CENATAC: variants seen among roughly 807,000 people sequenced by gnomAD.
CENATAC encodes the protein coiled-coil domain containing 84.
Under a neutral mutation model 53.7 loss-of-function variants are expected in CENATAC, and 53 were observed. That is an observed-to-expected ratio of 0.99 (90% CI 0.79 to 1.24). The LOEUF is 1.24. CENATAC is among the 50% of genes most tolerant of loss of function. CENATAC has a pLI of 0.00. For synonymous variants in CENATAC, 156 were observed against 144.6 expected (o/e 1.08, Z -0.57); for missense variants, 474 against 417.8 (o/e 1.13, Z -1.17).
In CENATAC at chr11:118,998,553, C is replaced by T. The variant is rs782232947; in HGVS notation, c.244C>T (p.Leu82=). The T allele has an allele frequency of 1.9e-6, 3 of 1,587,020 alleles. No homozygotes were observed. The highest frequency in any genetic ancestry group is 2.6e-6 in the Non-Finnish European group (3 of 1,166,138). ...GCGGGAACACCTGAGCCATGGAAAC[C>T]TGACGGTGCTGTACGGGGGGCTGCT... ...EVREHLSHGN[L]TVLYGGLLEH... The change falls in exon 2 of 11, where the codon CTG becomes TTG. Residue 82 remains leucine (L), a synonymous_variant. Coordinates refer to ENST00000334418, the MANE Select transcript of CENATAC (RefSeq NM_198489.3).
At chr11:119,013,202 T>C (rs376881432) in intron 7 of CENATAC, 30 bp from the exon 8 acceptor site, 6 of 1,581,646 alleles carry the variant, frequency 3.8e-6, no homozygotes, top group Non-Finnish European at 4.3e-6. Context: ...AGACTTTAAC[T>C]AGCACTTTTT....
intron 3 of CENATAC, chr11:119,003,619 C>CTTTTT (rs782023708): frequency 4.5e-5 from 5 of 111,016 alleles, no homozygotes; most frequent in African/African-American, 1.9e-4. Flanking sequence ...ATATTTCTCT[C>CTTTTT]TCTTTTTTTT....
At chr11:119,006,948 G>A (rs1807238205) in intron 3 of CENATAC, among the ~76,000 whole-genome samples, 1 of 152,188 alleles carries the variant, frequency 6.6e-6, no homozygotes. Context: ...ACCTTCTGCT[G>A]TGATTATAAG....
At chr11:119,011,380 C>CTTCT in intron 5 of CENATAC, 97 bp downstream of exon 5, 3 of 954,590 alleles carry the variant, frequency 3.1e-6, no homozygotes, top group African/African-American at 1.7e-5. Context: ...TCTTCTTCTT[C>CTTCT]TTTTTTTTTT....
At position 118,998,464 on chromosome 11, in the gene CENATAC, A is replaced by G. The variant is rs782088897; in HGVS notation, c.155A>G (p.Gln52Arg). The G allele has an allele frequency of 5.6e-6, 9 of 1,613,042 alleles. No homozygotes were observed. Among genetic ancestry groups the G allele is most frequent in the South Asian group, 1.1e-5 (1 of 91,006 alleles). The change falls in exon 2 of 11, where the codon CAG becomes CGG. Residue 52 changes from glutamine to arginine, a missense_variant. Gln to Arg is a conservative substitution (Grantham distance 43). Transcript: ENST00000334418. ...GCCCGCAAGGCCATCCGCGCCGCTC[A>G]GGTGGAGCGCTATGTGCCCGAACAC... ...EAARKAIRAA[Q>R]VERYVPEHER... is the part of the protein sequence containing the mutation.
Position 119,015,608 on chromosome 11 carries a change from C to G in CENATAC, c.*10C>G, listed in dbSNP as rs781897531. The G allele has an allele frequency of 1.2e-6, 2 of 1,613,938 alleles. No individual in the cohort carries two copies. Among genetic ancestry groups the G allele is most frequent in the South Asian group, 1.1e-5 (1 of 91,074 alleles). ...TACAGAAAAAAGCTAATCATGCTCT[C>G]TACCAACTACCATGAGGCTAAAAGC... On this transcript the variant is annotated 3_prime_UTR_variant, in exon 11 of 11. Coordinates refer to ENST00000334418, the MANE Select transcript of CENATAC (RefSeq NM_198489.3).
chr11:119,004,662 CTGAGCCTGAGGGATCACT>C (rs1485216951), intron 3 of CENATAC: 1 of 153,288 alleles, frequency 6.5e-6, no homozygotes. Flanking sequence ...GGGGGATCAC[CTGAGCCTGAGGGATCACT>C]TGAGCCCAGG....
intron 3 of CENATAC, among the ~76,000 whole-genome samples, chr11:119,006,210 A>C (rs1942588614): frequency 7.2e-6 from 1 of 139,346 alleles, no homozygotes; most frequent in Admixed American, 7.7e-5. Context: ...AGTAGCTGGG[A>C]CTACAGGCAC....
At chr11:119,013,349 G>A in intron 8 of CENATAC, 87 bp downstream of exon 8, 3 of 988,338 alleles carry the variant, frequency 3.0e-6, no homozygotes, top group South Asian at 1.5e-5. Flanking sequence ...AGGCTGGAGT[G>A]CAGTGGCGCA....
chr11:119,015,569 A>C lies in CENATAC; in HGVS notation c.970A>C (p.Lys324Gln), dbSNP rs186379534. The C allele has an allele frequency of 1.4e-5, 22 of 1,614,178 alleles. No homozygotes were observed. The East Asian group carries it at 4.2e-4, about 31-fold the overall frequency. The change falls in exon 11 of 11, where the codon AAG becomes CAG. Residue 324 changes from lysine (K) to glutamine (Q), a missense_variant. Physicochemically the swap from Lys to Gln is moderately conservative, Grantham distance 53. Transcript: ENST00000334418. ...HQFKTEAAAMKKQSHTEKS is the reference protein window; with the variant it reads ...HQFKTEAAAMQKQSHTEKS ...ATTCAAAACTGAAGCTGCAGCAATG[A>C]AGAAGCAGTCACATACAGAAAAAAG...
chr11:119,012,622 A>C (rs894864464), intron 7 of CENATAC: 8 of 187,358 alleles, frequency 4.3e-5, no homozygotes, highest in Non-Finnish European at 9.0e-5. Flanking sequence ...ACAAGCGGTC[A>C]ATTTTAACCT....
chr11:119,011,173 A>T (rs367776069), intron 4 of CENATAC, 48 bp from the exon 5 acceptor site: 1 of 1,544,186 alleles, frequency 6.5e-7, no homozygotes, highest in African/African-American at 1.4e-5. Context: ...CTCTGAAGAA[A>T]CTGGCCCCCA....
intron 3 of CENATAC, among the ~76,000 whole-genome samples, chr11:119,006,393 T>C (rs1190902626): frequency 3.9e-5 from 6 of 152,008 alleles, no homozygotes; most frequent in East Asian, 1.9e-4. Context: ...CCCGCCACCA[T>C]GCCTGGCTAA....
chr11:119,007,640 C>A (rs149849779), intron 3 of CENATAC, among the ~76,000 whole-genome samples: 1 of 152,172 alleles, frequency 6.6e-6, no homozygotes, highest in East Asian at 1.9e-4. Flanking sequence ...TAAGTGTGCA[C>A]CATCACACCT....
chr11:119,014,382 G>A (rs2134577734), intron 8 of CENATAC: 1 of 152,394 alleles, frequency 6.6e-6, no homozygotes, highest in African/African-American at 2.4e-5. Context: ...AGGAGTTCAA[G>A]ACCAGTTTGG....
intron 3 of CENATAC, among the ~76,000 whole-genome samples, chr11:119,002,779 A>G (rs1321923647): frequency 4.6e-5 from 7 of 151,328 alleles, no homozygotes; most frequent in African/African-American, 7.3e-5. Context: ...TCAGAATCCA[A>G]TAGAAATATT....
At chr11:119,008,246 GCAC>G (rs1398776070) in intron 3 of CENATAC, among the ~76,000 whole-genome samples, 10 of 152,320 alleles carry the variant, frequency 6.6e-5, no homozygotes, top group East Asian at 5.8e-4. Flanking sequence ...CCAAGGACCT[GCAC>G]CGGCACCGGC....
rs1016045617 is a variant in CENATAC, at chr11:118,998,219, C to A, written c.22C>A (p.Pro8Thr). MAPAQRC[P>T]LCRQTFFCGR... is the part of the protein sequence containing the mutation. ...GGCTATGGCGCCGGCGCAGCGCTGC[C>A]CTCTGTGCCGCCAGACCTTCTTCTG... Residue 8 changes from proline to threonine, a missense_variant, in exon 1 of 11, where the codon CCT becomes ACT. Transcript: ENST00000334418. 6.3e-7 allele frequency: 1 copy of A among 1,583,186 alleles called. No homozygotes were observed.
chr11:119,013,057 T>C, intron 7 of CENATAC, 175 bp from the exon 8 acceptor site: 2 of 559,800 alleles, frequency 3.6e-6, no homozygotes, highest in Middle Eastern at 3.4e-4. Flanking sequence ...AGGGTTGTCT[T>C]AGAGTGACTT....
Sources: allele counts gnomAD v4.1 joint callset (sites outside exome capture counted in the v4.1 genomes callset), GRCh38; gene constraint gnomAD v4.1.1; transcripts MANE v1.5; gene names NCBI Gene and HGNC (gene_info 2026-07-23, HGNC 2026-07-21).